The following FOXN3 variants were observed in gnomAD, a reference collection of about 807,000 sequenced individuals.
FOXN3 encodes the protein forkhead box protein N3.
Under a neutral mutation model 38.4 loss-of-function variants are expected in FOXN3, and 7 were observed. The ratio of observed to expected loss-of-function variants is 0.18; its 90% confidence interval spans 0.10 to 0.34. FOXN3 has a LOEUF of 0.34. Ranked by LOEUF, FOXN3 falls within the 10% of genes least tolerant of loss-of-function variation. The pLI, the probability that FOXN3 is intolerant of heterozygous loss-of-function variation, is 1.00. For missense variants in FOXN3, 456 were observed against 613.4 expected (o/e 0.74, Z 2.71); for synonymous variants, 230 against 242.2 (o/e 0.95, Z 0.47).
chr14:89,433,021 C>T (rs1892195401), intron 1 of FOXN3, among the ~76,000 whole-genome samples: 1 of 152,176 alleles, frequency 6.6e-6, no homozygotes, highest in South Asian at 2.1e-4. Flanking sequence ...CATAGTCACC[C>T]TTTCTACCCT....
In FOXN3 at chr14:89,433,107, G is replaced by C. The variant is rs183246027; in HGVS notation, c.-14-20617C>G. 4.4e-3 allele frequency among the ~76,000 whole-genome samples: 663 copies of C among 152,204 alleles called. 2 individuals carry two copies. Among genetic ancestry groups the C allele is most frequent in the Non-Finnish European group, 7.6e-3 (520 of 68,008 alleles). On this transcript the variant is annotated intron_variant, in intron 1 of 6. Coordinates refer to the FOXN3 transcript ENST00000345097. Reference sequence around the variant, plus strand: ...CAGTGGCTCACACCTGTAATCCTTTGGGAGGCCGAGGCGGGGTGAGTCACC... The same window carrying C: ...CAGTGGCTCACACCTGTAATCCTTTCGGAGGCCGAGGCGGGGTGAGTCACC...
chr14:89,246,760 T>C (rs1885312032), intron 4 of FOXN3, among the ~76,000 whole-genome samples: 1 of 151,930 alleles, frequency 6.6e-6, no homozygotes, highest in African/African-American at 2.4e-5. Context: ...AGGCTGGTCT[T>C]GAACTCCTGA....
intron 3 of FOXN3, among the ~76,000 whole-genome samples, chr14:89,346,417 C>T (rs1888760514): frequency 6.6e-6 from 1 of 152,164 alleles, no homozygotes; most frequent in Non-Finnish European, 1.5e-5. Flanking sequence ...AAGACTTTCC[C>T]TGTTTCTGAT....
chr14:89,609,757 G>A (rs1162647738), intron 1 of FOXN3, among the ~76,000 whole-genome samples: 1 of 152,098 alleles, frequency 6.6e-6, no homozygotes, highest in Non-Finnish European at 1.5e-5. Context: ...GTCTTCCAGA[G>A]CACGATCAAG....
intron 1 of FOXN3, among the ~76,000 whole-genome samples, chr14:89,588,047 G>A (rs547936134): frequency 7.0e-4 from 107 of 152,206 alleles, no homozygotes; most frequent in African/African-American, 2.3e-3. Context: ...GGTGGGAGGT[G>A]ACTGGATCAT....
At chr14:89,389,033 G>A (rs1212115762) in intron 2 of FOXN3, among the ~76,000 whole-genome samples, 1 of 152,128 alleles carries the variant, frequency 6.6e-6, no homozygotes. Context: ...TACAAGGGCT[G>A]ATTTTGGAGA....
chr14:89,559,948 C>T (rs1213158672), intron 1 of FOXN3, among the ~76,000 whole-genome samples: 5 of 152,118 alleles, frequency 3.3e-5, no homozygotes, highest in Non-Finnish European at 5.9e-5. Flanking sequence ...CAGTAGTGAG[C>T]TGTGTTAGTC....
intron 1 of FOXN3, among the ~76,000 whole-genome samples, chr14:89,474,815 A>T (rs1393316786): frequency 6.6e-6 from 1 of 151,944 alleles, no homozygotes; most frequent in Non-Finnish European, 1.5e-5. Context: ...TTATTTATTT[A>T]TTATTATTAT....
intron 3 of FOXN3, among the ~76,000 whole-genome samples, chr14:89,297,232 G>A (rs1887066558): frequency 6.6e-6 from 1 of 152,082 alleles, no homozygotes; most frequent in Non-Finnish European, 1.5e-5. Context: ...AAATGGTGCA[G>A]GCACTCTGAA....
intron 3 of FOXN3, among the ~76,000 whole-genome samples, chr14:89,307,673 A>G (rs1271706110): frequency 1.3e-5 from 2 of 152,038 alleles, no homozygotes; most frequent in African/African-American, 4.8e-5. Context: ...ACCTCTGCTT[A>G]TTCTTGGGAG....
At chr14:89,593,714 C>T (rs1896002234) in intron 1 of FOXN3, among the ~76,000 whole-genome samples, 1 of 152,186 alleles carries the variant, frequency 6.6e-6, no homozygotes, top group Non-Finnish European at 1.5e-5. Context: ...CAGCTCACTA[C>T]AGGCTCAACC....
At chr14:89,576,756 C>G (rs1220962897) in intron 1 of FOXN3, 1 of 152,184 alleles carries the variant, frequency 6.6e-6, no homozygotes, top group African/African-American at 2.4e-5. Context: ...GACCTCCTCC[C>G]GCCCAACCCA....
chr14:89,225,529 A>C (rs1248325069), intron 4 of FOXN3, among the ~76,000 whole-genome samples: 3 of 151,746 alleles, frequency 2.0e-5, no homozygotes, highest in Non-Finnish European at 4.4e-5. Flanking sequence ...GCGTGAACCC[A>C]GGAGACAGAG....
At chr14:89,315,591 C>G (rs1005585532) in intron 3 of FOXN3, among the ~76,000 whole-genome samples, 1 of 152,196 alleles carries the variant, frequency 6.6e-6, no homozygotes, top group African/African-American at 2.4e-5. Context: ...GAACAAAGAA[C>G]AGGCAGACCC....
chr14:89,211,479 T>C (rs114960263), intron 4 of FOXN3, among the ~76,000 whole-genome samples: 1 of 152,276 alleles, frequency 6.6e-6, no homozygotes, highest in African/African-American at 2.4e-5. Context: ...CAAAAGCAGT[T>C]TCTGGAGGAG....
chr14:89,380,222 T>A (rs1890603716), intron 2 of FOXN3, among the ~76,000 whole-genome samples: 1 of 152,060 alleles, frequency 6.6e-6, no homozygotes, highest in Non-Finnish European at 1.5e-5. Flanking sequence ...TAAATGGGAG[T>A]TCCCCTGCAC....
intron 1 of FOXN3, among the ~76,000 whole-genome samples, chr14:89,609,994 T>C (rs1896357730): frequency 6.6e-6 from 1 of 152,190 alleles, no homozygotes; most frequent in Non-Finnish European, 1.5e-5. Context: ...ATGGATAATT[T>C]CTGCCTAAAT....
chr14:89,233,306 C>T (rs1884875147), intron 4 of FOXN3, among the ~76,000 whole-genome samples: 1 of 152,134 alleles, frequency 6.6e-6, no homozygotes, highest in East Asian at 1.9e-4. Flanking sequence ...AGGAGGAGGA[C>T]AGGAAAGTCA....
chr14:89,575,100 T>C (rs1347781499), intron 1 of FOXN3, among the ~76,000 whole-genome samples: 1 of 152,188 alleles, frequency 6.6e-6, no homozygotes, highest in Admixed American at 6.5e-5. Flanking sequence ...CTGACTCTGA[T>C]GAAAGCTAAC....
Sources: allele counts gnomAD v4.1 joint callset (sites outside exome capture counted in the v4.1 genomes callset), GRCh38; gene constraint gnomAD v4.1.1; transcripts MANE v1.5; gene names NCBI Gene and HGNC (gene_info 2026-07-23, HGNC 2026-07-21).